Variants in KAZN observed in about 807,000 individuals in gnomAD.
The protein encoded by KAZN is kazrin, periplakin interacting protein, also known as kazrin.
Under a neutral mutation model 87.4 loss-of-function variants are expected in KAZN, and 40 were observed. The observed-to-expected ratio is 0.46, with a 90% CI of 0.36 to 0.60. The LOEUF (loss-of-function observed/expected upper bound fraction) is 0.60, where lower values mean the gene tolerates loss of function less well. KAZN is among the 20% of genes least tolerant of loss of function. The pLI is 0.00. For synonymous variants in KAZN, 466 were observed against 458.3 expected (o/e 1.02, Z -0.22); for missense variants, 898 against 1,073.9 (o/e 0.84, Z 2.29).
At chr1:14,814,467 G>A (rs6666260) in intron 1 of KAZN, among the ~76,000 whole-genome samples, 1 of 152,228 alleles carries the variant, frequency 6.6e-6, no homozygotes, top group South Asian at 2.1e-4. Flanking sequence ...ACCCACCTCA[G>A]CCTCCCAAAG....
intron 1 of KAZN, among the ~76,000 whole-genome samples, chr1:13,906,599 G>C (rs1487010990): frequency 6.6e-6 from 1 of 152,128 alleles, no homozygotes; most frequent in Non-Finnish European, 1.5e-5. Flanking sequence ...ATGTGTGATC[G>C]ACCTTGGTTT....
intron 2 of KAZN, among the ~76,000 whole-genome samples, chr1:14,199,534 G>A (rs80186991): frequency 1.6e-4 from 25 of 152,278 alleles, no homozygotes; most frequent in East Asian, 7.7e-4. Context: ...GGAATTCGTC[G>A]CTGGGTTGCA....
At chr1:14,330,356 T>C (rs558034989) in intron 2 of KAZN, among the ~76,000 whole-genome samples, 126 of 152,304 alleles carry the variant, frequency 8.3e-4, no homozygotes, top group African/African-American at 2.9e-3. Flanking sequence ...CAACCTACTA[T>C]TGGCTGATCA....
At chr1:14,415,728 A>C (rs1184978942) in intron 2 of KAZN, among the ~76,000 whole-genome samples, 1 of 152,128 alleles carries the variant, frequency 6.6e-6, no homozygotes, top group Non-Finnish European at 1.5e-5. Flanking sequence ...CAGGTGTAGT[A>C]GTAAGTAGGA....
chr1:15,011,447 G>A (rs968378669), intron 2 of KAZN, among the ~76,000 whole-genome samples: 2 of 152,132 alleles, frequency 1.3e-5, no homozygotes, highest in African/African-American at 4.8e-5. Flanking sequence ...TTGCACTTCT[G>A]CCCATTTCTC....
At chr1:14,143,689 C>T (rs1256733875) in intron 1 of KAZN, among the ~76,000 whole-genome samples, 2 of 152,044 alleles carry the variant, frequency 1.3e-5, no homozygotes, top group South Asian at 4.2e-4. Flanking sequence ...ATTGCTCATC[C>T]TCCTTCCCCC....
intron 1 of KAZN, among the ~76,000 whole-genome samples, chr1:13,902,722 G>T (rs1200713925): frequency 1.3e-5 from 2 of 152,190 alleles, no homozygotes; most frequent in Non-Finnish European, 2.9e-5. Flanking sequence ...AAAAATGTTT[G>T]AGATGATGAA....
At chr1:14,828,065 C>T (rs1646948149) in intron 1 of KAZN, among the ~76,000 whole-genome samples, 1 of 152,242 alleles carries the variant, frequency 6.6e-6, no homozygotes, top group African/African-American at 2.4e-5. Context: ...CAGCCCTCCC[C>T]TGCCTGTGGC....
At chr1:14,738,043 G>T (rs1572361232) in intron 1 of KAZN, among the ~76,000 whole-genome samples, 1 of 152,172 alleles carries the variant, frequency 6.6e-6, no homozygotes, top group Non-Finnish European at 1.5e-5. Context: ...AAATCTTGGG[G>T]GTTTAGAATT....
In KAZN at chr1:15,056,375, T is replaced by C; in HGVS notation, c.916+95T>C. ...GGAGAGGCAGCTGCTTTGTTCGTAC[T>C]ACAGCAGCTTGGGGGCGTGGGACAG... On this transcript the variant is annotated intron_variant, in intron 5 of 14. Transcript: ENST00000376030. The surrounding 1 kb of genome is among the most constrained non-coding windows in gnomAD (Gnocchi z 5.4). 7.8e-7 allele frequency: 1 copy of C among 1,278,176 alleles called. No homozygotes were observed. Among genetic ancestry groups the C allele is most frequent in the Non-Finnish European group, 1.1e-6 (1 of 938,106 alleles). The allele number at this position is 1,278,176 out of a possible 1,614,324, so 79.2% of individuals were successfully genotyped here. A position where few individuals can be genotyped will look rare whatever the true frequency, so the allele number is the denominator to read the frequency against.
chr1:13,973,902 C>G (rs1192786560), intron 1 of KAZN, among the ~76,000 whole-genome samples: 1 of 152,202 alleles, frequency 6.6e-6, no homozygotes, highest in African/African-American at 2.4e-5. Context: ...CCCACGACCA[C>G]CCACAGGTCT....
Position 14,899,135 on chromosome 1 carries a change from T to C in KAZN, c.227-61549T>C, listed in dbSNP as rs117630800. The stretch of plus-strand genomic sequence containing the variant: ...AAGAAGGGGCCCCTGAGCAGATGTG[T>C]TGAATGAAGGGCTCAGGGACCCAAC... On this transcript the variant is annotated intron_variant, in intron 1 of 14. Transcript: ENST00000376030. Among the ~76,000 whole-genome samples, 12 of 152,250 alleles carry C rather than the reference T, an allele frequency of 7.9e-5. No individual in the cohort carries two copies. In the East Asian group the frequency reaches 2.3e-3, roughly 29 times the overall value.
intron 2 of KAZN, among the ~76,000 whole-genome samples, chr1:14,205,994 ACAT>A (rs1167006630): frequency 2.6e-5 from 4 of 151,150 alleles, no homozygotes; most frequent in Non-Finnish European, 5.9e-5. Flanking sequence ...CATGTTGTGC[ACAT>A]GTACCCTAAA....
chr1:14,418,570 T>A (rs1371686366), intron 2 of KAZN, among the ~76,000 whole-genome samples: 1 of 152,228 alleles, frequency 6.6e-6, no homozygotes, highest in Non-Finnish European at 1.5e-5. Flanking sequence ...TTTATCACCA[T>A]CAGGCAAGGA....
intron 1 of KAZN, among the ~76,000 whole-genome samples, chr1:14,932,539 C>T (rs752697442): frequency 6.6e-6 from 1 of 152,146 alleles, no homozygotes; most frequent in Non-Finnish European, 1.5e-5. Context: ...TTAAATTGTA[C>T]TTAATTGTAA....
At chr1:14,124,639 A>G (rs1017235369) in intron 1 of KAZN, among the ~76,000 whole-genome samples, 1 of 152,210 alleles carries the variant, frequency 6.6e-6, no homozygotes, top group South Asian at 2.1e-4. Context: ...GGAAAAGGAC[A>G]TCTTGGTATA....
chr1:14,023,836 T>G (rs1640954511), intron 1 of KAZN, among the ~76,000 whole-genome samples: 1 of 152,190 alleles, frequency 6.6e-6, no homozygotes, highest in African/African-American at 2.4e-5. Context: ...AGACCTCTCC[T>G]GTCCTGAGAT....
intron 1 of KAZN, among the ~76,000 whole-genome samples, chr1:13,982,171 G>A (rs74056613): frequency 6.6e-6 from 1 of 152,328 alleles, no homozygotes; most frequent in African/African-American, 2.4e-5. Flanking sequence ...CCTGGGCTCT[G>A]CTCAGGCGGA....
intron 2 of KAZN, among the ~76,000 whole-genome samples, chr1:14,484,181 T>C (rs1200268830): frequency 2.0e-5 from 3 of 152,220 alleles, no homozygotes; most frequent in African/African-American, 7.2e-5. Flanking sequence ...TAGTATAGTT[T>C]GAAATCAGGT....
Sources: gnomAD v4.1 joint callset for allele counts (sites outside exome capture counted in the v4.1 genomes callset) on GRCh38, gnomAD v4.1.1 for gene constraint, Gnocchi (gnomAD v3.1) non-coding constraint, MANE v1.5 for transcripts, NCBI Gene and HGNC (gene_info 2026-07-23, HGNC 2026-07-21) for gene names.